NRG1: variants seen among roughly 807,000 people sequenced by gnomAD.
NRG1 encodes the protein neuregulin 1, also known as pro-neuregulin-1, membrane-bound isoform.
NRG1 carries 18 observed loss-of-function variants against 63.8 expected under a neutral mutation model. The ratio of observed to expected loss-of-function variants is 0.28; its 90% CI spans 0.19 to 0.42. The LOEUF (loss-of-function observed/expected upper bound fraction) is 0.42. NRG1 is among the 10% of genes least tolerant of loss of function. The probability of loss-of-function intolerance (pLI) is 1.00; values close to 1 mark genes in which losing one functional copy is unlikely to be tolerated. For missense variants in NRG1, 762 were observed against 814.7 expected (o/e 0.94, Z 0.79); for synonymous variants, 302 against 301.3 (o/e 1.00, Z -0.02).
intron 1 of NRG1, among the ~76,000 whole-genome samples, chr8:31,993,425 G>A (rs1264844460): frequency 2.0e-5 from 3 of 151,936 alleles, no homozygotes; most frequent in Admixed American, 6.6e-5. Context: ...CAATCCCCAC[G>A]TGTCAAGGTT....
At chr8:31,893,978 A>G (rs1325462781) in intron 1 of NRG1, among the ~76,000 whole-genome samples, 3 of 152,150 alleles carry the variant, frequency 2.0e-5, no homozygotes, top group African/African-American at 7.2e-5. Context: ...ATTCTATAAA[A>G]TGCAGTACCA....
At chr8:32,388,948 T>C (rs10089203) in intron 1 of NRG1, among the ~76,000 whole-genome samples, 50,571 of 152,110 alleles carry the variant, frequency 0.33, 8,869 homozygotes, top group Middle Eastern at 0.43. Context: ...TGTATTAGGG[T>C]AACCTAATGC....
intron 1 of NRG1, among the ~76,000 whole-genome samples, chr8:32,093,155 A>T (rs1476948404): frequency 6.6e-6 from 1 of 152,150 alleles, no homozygotes; most frequent in African/African-American, 2.4e-5. Flanking sequence ...CTGCCTTGAG[A>T]TGCTGTTAAT....
intron 1 of NRG1, among the ~76,000 whole-genome samples, chr8:32,397,596 G>C (rs28403293): frequency 0.14 from 20,429 of 150,930 alleles, 1,448 homozygotes; most frequent in South Asian, 0.19. Flanking sequence ...CCTCTAATTG[G>C]GTGTGTGGAT....
At chr8:31,651,200 A>G (rs766051527) in intron 1 of NRG1, among the ~76,000 whole-genome samples, 1 of 152,164 alleles carries the variant, frequency 6.6e-6, no homozygotes, top group African/African-American at 2.4e-5. Flanking sequence ...TCTTATCTCC[A>G]TGGCCTTTTT....
chr8:32,064,214 T>C lies in NRG1; in HGVS notation c.37+424783T>C, dbSNP rs571341568. 3.9e-5 allele frequency among the ~76,000 whole-genome samples: 6 copies of C among 152,248 alleles called. No homozygotes were observed. In the East Asian group the frequency reaches 1.2e-3, roughly 29 times the overall value. On this transcript the variant is annotated intron_variant, in intron 1 of 10. Coordinates refer to the NRG1 transcript ENST00000519301. ...AAAAAGGAGAAGTCATCGGCTAAGC[T>C]AGATAGCCAAACAAAATGGATGCTG... is the stretch of plus-strand genomic sequence containing the variant.
chr8:31,670,554 G>T (rs1807021138), intron 1 of NRG1, among the ~76,000 whole-genome samples: 1 of 151,038 alleles, frequency 6.6e-6, no homozygotes, highest in South Asian at 2.1e-4. Flanking sequence ...GTACAGCTGA[G>T]AATTGTCATT....
At chr8:32,136,581 T>C (rs1459266728) in intron 1 of NRG1, 2 of 152,152 alleles carry the variant, frequency 1.3e-5, no homozygotes, top group Non-Finnish European at 2.9e-5. Context: ...ATTCAGTTGG[T>C]TTGATGCAAG....
intron 3 of NRG1, among the ~76,000 whole-genome samples, chr8:32,613,501 A>G (rs1846745511): frequency 6.6e-6 from 1 of 152,070 alleles, no homozygotes; most frequent in African/African-American, 2.4e-5. Context: ...TGATTATATT[A>G]GTAATAAAGT....
intron 1 of NRG1, among the ~76,000 whole-genome samples, chr8:32,149,560 A>T (rs946478954): frequency 3.9e-5 from 6 of 152,168 alleles, no homozygotes. Flanking sequence ...ATTTGTGTTT[A>T]TGGGCTTATA....
intron 1 of NRG1, among the ~76,000 whole-genome samples, chr8:32,337,477 C>T (rs539788774): frequency 1.3e-3 from 194 of 151,598 alleles, no homozygotes; most frequent in African/African-American, 4.6e-3. Flanking sequence ...TAAGTAGAGG[C>T]CATCAGACTT....
chr8:32,123,917 A>C (rs1391318994), intron 1 of NRG1, among the ~76,000 whole-genome samples: 1 of 151,850 alleles, frequency 6.6e-6, no homozygotes, highest in Non-Finnish European at 1.5e-5. Flanking sequence ...AAGTTTGACT[A>C]TTGGCTGGCA....
At chr8:31,936,393 C>T (rs1314542517) in intron 1 of NRG1, among the ~76,000 whole-genome samples, 1 of 152,138 alleles carries the variant, frequency 6.6e-6, no homozygotes, top group African/African-American at 2.4e-5. Context: ...TCAGATATAA[C>T]CTTTCCATTT....
chr8:31,806,461 C>T (rs1166187930), intron 1 of NRG1, among the ~76,000 whole-genome samples: 2 of 152,104 alleles, frequency 1.3e-5, no homozygotes, highest in East Asian at 1.9e-4. Context: ...CCATCAATAT[C>T]GAGTTTATTC....
intron 1 of NRG1, among the ~76,000 whole-genome samples, chr8:32,363,539 C>G (rs1807517822): frequency 6.6e-6 from 1 of 152,016 alleles, no homozygotes; most frequent in Non-Finnish European, 1.5e-5. Context: ...AATAACTCAC[C>G]CTCAGTGTTA....
chr8:31,818,884 T>C (rs550448311), intron 1 of NRG1, among the ~76,000 whole-genome samples: 11 of 152,154 alleles, frequency 7.2e-5, no homozygotes, highest in South Asian at 2.1e-4. Context: ...GGTGAAACCC[T>C]GTCTCTACTA....
chr8:32,145,123 G>T (rs185186852), intron 1 of NRG1, among the ~76,000 whole-genome samples: 2 of 152,280 alleles, frequency 1.3e-5, no homozygotes, highest in East Asian at 3.9e-4. Context: ...TAAGGGTTTA[G>T]ATATAACCAC....
At chr8:32,143,009 T>C (rs1480395131) in intron 1 of NRG1, among the ~76,000 whole-genome samples, 2 of 152,228 alleles carry the variant, frequency 1.3e-5, no homozygotes, top group East Asian at 3.9e-4. Flanking sequence ...TTACTTCTTT[T>C]GTCATATCAT....
At position 32,498,064 on chromosome 8, in the gene NRG1, C is replaced by G. The variant is rs1173922540; in HGVS notation, c.38-97764C>G. Among the ~76,000 whole-genome samples, 3 of 152,116 alleles carry G rather than the reference C, an allele frequency of 2.0e-5. 1 individual carries two copies. The highest frequency in any genetic ancestry group is 7.2e-5 in the African/African-American group (3 of 41,382). On this transcript the variant is annotated intron_variant, in intron 1 of 10. Coordinates refer to the NRG1 transcript ENST00000519301. ...TCTCGAACTCCTGACCTCAGGTCAT[C>G]CACTCACCTCGGCCTCCCAAAGTAC...
Sources: gnomAD v4.1 joint callset for allele counts (sites outside exome capture counted in the v4.1 genomes callset) on GRCh38, gnomAD v4.1.1 for gene constraint, MANE v1.5 for transcripts, NCBI Gene and HGNC (gene_info 2026-07-23, HGNC 2026-07-21) for gene names.